Variants in OPN3 observed in about 807,000 individuals in gnomAD.
OPN3 encodes the protein opsin-3.
A neutral mutation model predicts 33.8 loss-of-function variants in OPN3; 29 were observed. The ratio of observed to expected loss-of-function variants is 0.86; its 90% CI spans 0.64 to 1.17. The LOEUF is 1.17. Ranked by LOEUF, OPN3 falls within the 50% of genes most tolerant of loss-of-function variation. The pLI is 0.00. For missense variants in OPN3, 437 were observed against 514.1 expected (o/e 0.85, Z 1.45); for synonymous variants, 216 against 216.1 (o/e 1.00, Z 0.00).
intron 1 of OPN3, among the ~76,000 whole-genome samples, chr1:241,622,365 G>C (rs924172945): frequency 1.3e-5 from 2 of 152,090 alleles, no homozygotes; most frequent in African/African-American, 4.8e-5. Flanking sequence ...TAGGTAAGAA[G>C]GTGTGCAAAA....
At chr1:241,608,918 T>C (rs1254341028) in intron 1 of OPN3, among the ~76,000 whole-genome samples, 1 of 152,208 alleles carries the variant, frequency 6.6e-6, no homozygotes, top group Non-Finnish European at 1.5e-5. Context: ...TGATCTAATC[T>C]ACATCTTCCT....
chr1:241,635,357 G>A (rs1202479923), intron 1 of OPN3: 1 of 1,614,034 alleles, frequency 6.2e-7, no homozygotes, highest in Admixed American at 1.7e-5. Flanking sequence ...AGGTAATGCA[G>A]AATCCAGAAC....
intron 1 of OPN3, among the ~76,000 whole-genome samples, chr1:241,638,878 C>G (rs1459680862): frequency 2.6e-5 from 4 of 152,000 alleles, no homozygotes; most frequent in Admixed American, 2.0e-4. Context: ...CCAAACCTAC[C>G]AAGATTAAAG....
intron 3 of OPN3, among the ~76,000 whole-genome samples, chr1:241,597,009 T>A (rs565450980): frequency 1.9e-3 from 294 of 150,928 alleles, no homozygotes; most frequent in Middle Eastern, 6.8e-3. Context: ...TTTTTTTTTT[T>A]GAGAGAGCGG....
At chr1:241,625,385 C>T (rs1573962925) in intron 1 of OPN3, among the ~76,000 whole-genome samples, 1 of 152,236 alleles carries the variant, frequency 6.6e-6, no homozygotes, top group East Asian at 1.9e-4. Context: ...AGCACCCCTT[C>T]CAAAAACAGT....
At position 241,639,324 on chromosome 1, in the gene OPN3, C is replaced by G. The variant is rs1018102364; in HGVS notation, c.373+558G>C. 3 of 152,236 alleles carry G rather than the reference C, an allele frequency of 2.0e-5. No individual in the cohort carries two copies. In the East Asian group the frequency reaches 5.8e-4, roughly 29 times the overall value. 9.4% of individuals were successfully genotyped at this position (152,236 alleles called of 1,614,324 possible). On this transcript the variant is annotated intron_variant, in intron 1 of 3. Transcript: ENST00000366554. ...TCTGAGGACCTGAATGAAACTGTCT[C>G]ATTCCCTAGAAAGCATTCAAAGGTT...
intron 1 of OPN3, among the ~76,000 whole-genome samples, chr1:241,628,009 A>T (rs1664471946): frequency 6.6e-6 from 1 of 152,120 alleles, no homozygotes; most frequent in African/African-American, 2.4e-5. Flanking sequence ...CAAAAGAAAA[A>T]GTTTCTGATT....
intron 2 of OPN3, chr1:241,600,561 C>G (rs1663652796): frequency 6.6e-6 from 1 of 152,274 alleles, no homozygotes; most frequent in Non-Finnish European, 1.5e-5. Flanking sequence ...CTCCTTAATC[C>G]AAGACATCTG....
chr1:241,633,850 T>C, intron 1 of OPN3: 1 of 1,613,894 alleles, frequency 6.2e-7, no homozygotes, highest in Non-Finnish European at 8.5e-7. Flanking sequence ...CCTCAGAGGA[T>C]TCTAGTTTGG....
chr1:241,635,757 T>C (rs375852789), intron 1 of OPN3: 31 of 1,608,282 alleles, frequency 1.9e-5, no homozygotes, highest in Non-Finnish European at 2.6e-5. Flanking sequence ...GTGGGAAGAT[T>C]GTCCGCCATT....
rs368246206 is a variant in OPN3 at position 241,605,901 on chromosome 1, AT to A, written c.374-1323del. Among the ~76,000 whole-genome samples the A allele has an allele frequency of 1.5e-3, 229 of 152,194 alleles. 1 individual carries two copies. Among genetic ancestry groups the A allele is most frequent in the Non-Finnish European group, 2.7e-3 (183 of 67,974 alleles). ...TCTAGCTAACGTTTGTGTTATTTTAATTTTTTTTATTTTTTAACCTTTTCCT... is the reference window on the plus strand; with the variant it reads ...TCTAGCTAACGTTTGTGTTATTTTAATTTTTTTATTTTTTAACCTTTTCCT... On this transcript the variant is annotated intron_variant, in intron 1 of 3. Transcript: ENST00000366554.
chr1:241,614,522 G>A (rs1483367328), intron 1 of OPN3, among the ~76,000 whole-genome samples: 1 of 152,206 alleles, frequency 6.6e-6, no homozygotes, highest in African/African-American at 2.4e-5. Context: ...TAAAACATAC[G>A]GACATTTTTC....
chr1:241,635,093 T>C (rs1664829900), intron 1 of OPN3: 1 of 1,612,866 alleles, frequency 6.2e-7, no homozygotes. Flanking sequence ...CCTCCTGCCT[T>C]CTTTAACTAT....
Position 241,593,481 on chromosome 1 carries a change from T to C in OPN3, c.*947A>G, listed in dbSNP as rs1663393467. Reference sequence around the variant, plus strand: ...AAAATGATTCAGTGTTTCTTTTCTATATTGTCAATGAAAACCTTGAGTTCT... The same window carrying C: ...AAAATGATTCAGTGTTTCTTTTCTACATTGTCAATGAAAACCTTGAGTTCT... On this transcript the variant is annotated 3_prime_UTR_variant, in exon 4 of 4. Transcript: ENST00000366554. 2 of 325,310 alleles carry C rather than the reference T, an allele frequency of 6.1e-6. No individual in the cohort carries two copies. Among genetic ancestry groups the C allele is most frequent in the Non-Finnish European group, 1.4e-5 (2 of 139,858 alleles). 20.2% of individuals were successfully genotyped at this position (325,310 alleles called of 1,614,324 possible).
At chr1:241,633,763 A>C in intron 1 of OPN3, 3 of 1,606,610 alleles carry the variant, frequency 1.9e-6, no homozygotes, top group Non-Finnish European at 2.5e-6. Context: ...GCCATGAAGG[A>C]GGTCCAAAAC....
intron 1 of OPN3, among the ~76,000 whole-genome samples, chr1:241,610,556 T>C (rs1277031714): frequency 3.3e-5 from 5 of 152,236 alleles, no homozygotes; most frequent in African/African-American, 4.8e-5. Flanking sequence ...TTGAGTCAAA[T>C]AGTTCTTTCC....
chr1:241,615,496 C>T (rs1302462508), intron 1 of OPN3, among the ~76,000 whole-genome samples: 2 of 152,100 alleles, frequency 1.3e-5, no homozygotes, highest in Non-Finnish European at 2.9e-5. Flanking sequence ...TCCCCTATCT[C>T]GTATTTGCTT....
At position 241,640,303 on chromosome 1, in the gene OPN3, G is replaced by T; in HGVS notation, c.-49C>A. ...GGGCGGAGGCGCTCAGCTTGCGGCG[G>T]GGCTCGCGGCGCGCTCCGCACTGGG... On this transcript the variant is annotated 5_prime_UTR_variant, in exon 1 of 4. Coordinates refer to ENST00000366554, the MANE Select transcript of OPN3 (RefSeq NM_014322.3). 1.3e-5 allele frequency: 14 copies of T among 1,114,886 alleles called. No homozygotes were observed. The highest frequency in any genetic ancestry group is 1.5e-5 in the Non-Finnish European group (14 of 916,922). 69.1% of individuals were successfully genotyped at this position (1,114,886 alleles called of 1,614,324 possible).
intron 1 of OPN3, among the ~76,000 whole-genome samples, chr1:241,616,404 C>A (rs1664133679): frequency 6.6e-6 from 1 of 152,204 alleles, no homozygotes; most frequent in East Asian, 1.9e-4. Context: ...TTCTCTTTCA[C>A]CATTTATAAC....
Sources: allele counts gnomAD v4.1 joint callset (sites outside exome capture counted in the v4.1 genomes callset), GRCh38; gene constraint gnomAD v4.1.1; transcripts MANE v1.5; gene names NCBI Gene and HGNC (gene_info 2026-07-23, HGNC 2026-07-21).